TTLL5: variants seen among roughly 807,000 people sequenced by gnomAD.
The protein encoded by TTLL5 is tubulin polyglutamylase TTLL5.
A neutral mutation model predicts 168.4 loss-of-function variants in TTLL5; 132 were observed. That is an observed-to-expected ratio of 0.78 (90% CI 0.68 to 0.91). The LOEUF is 0.91. Ranked by LOEUF, TTLL5 falls within the 40% of genes least tolerant of loss-of-function variation. The pLI is 0.00. For missense variants in TTLL5, 1,545 were observed against 1,581.5 expected (o/e 0.98, Z 0.39); for synonymous variants, 546 against 558.6 (o/e 0.98, Z 0.32).
intron 3 of TTLL5, among the ~76,000 whole-genome samples, chr14:75,674,758 A>G (rs1480323958): frequency 6.6e-6 from 1 of 152,162 alleles, no homozygotes; most frequent in Admixed American, 6.5e-5. Flanking sequence ...TATACTAGCA[A>G]TAGATGTATG....
At chr14:75,811,931 G>A (rs546483459) in intron 27 of TTLL5, among the ~76,000 whole-genome samples, 111 of 152,196 alleles carry the variant, frequency 7.3e-4, no homozygotes, top group African/African-American at 2.4e-3. Flanking sequence ...GCCAGCCACC[G>A]GAAATTGGCC....
intron 31 of TTLL5, chr14:75,930,480 C>A: frequency 1.6e-6 from 1 of 625,110 alleles, no homozygotes; most frequent in Non-Finnish European, 2.0e-6. Context: ...AAGTATAATG[C>A]AAATATTCTA....
At chr14:75,856,290 G>A (rs1208360339) in intron 28 of TTLL5, among the ~76,000 whole-genome samples, 1 of 152,202 alleles carries the variant, frequency 6.6e-6, no homozygotes, top group African/African-American at 2.4e-5. Context: ...TTAAACCCAG[G>A]AGGCGGAAGT....
At chr14:75,821,678 A>C (rs1191680127) in intron 28 of TTLL5, among the ~76,000 whole-genome samples, 1 of 152,178 alleles carries the variant, frequency 6.6e-6, no homozygotes, top group African/African-American at 2.4e-5. Flanking sequence ...AGCGCCTGTT[A>C]GTAGTGAGAT....
At chr14:75,876,791 A>G (rs1268024587) in intron 29 of TTLL5, among the ~76,000 whole-genome samples, 1 of 152,222 alleles carries the variant, frequency 6.6e-6, no homozygotes. Flanking sequence ...TTGGAAGCTT[A>G]CTTTTGCCAA....
intron 28 of TTLL5, among the ~76,000 whole-genome samples, chr14:75,861,013 T>C (rs1021186060): frequency 6.6e-6 from 1 of 152,202 alleles, no homozygotes; most frequent in Non-Finnish European, 1.5e-5. Flanking sequence ...TCTAGAAGTC[T>C]CTTGGGAAAG....
intron 3 of TTLL5, among the ~76,000 whole-genome samples, chr14:75,670,026 C>G (rs1883606899): frequency 6.6e-6 from 1 of 152,098 alleles, no homozygotes; most frequent in Non-Finnish European, 1.5e-5. Context: ...CCTTTTTTGG[C>G]AGGCTTCTTT....
intron 15 of TTLL5, chr14:75,737,729 A>G: frequency 2.0e-6 from 2 of 1,016,126 alleles, no homozygotes; most frequent in Non-Finnish European, 2.8e-6. Flanking sequence ...GCGCAGTTTA[A>G]TAACAAAGTG....
intron 30 of TTLL5, 42 bp from the exon 31 acceptor site, chr14:75,902,100 C>T: frequency 6.3e-7 from 1 of 1,597,264 alleles, no homozygotes; most frequent in Non-Finnish European, 8.6e-7. Context: ...CCTGACCTCA[C>T]CTTTCCGCCT....
At chr14:75,821,916 A>C (rs527274357) in intron 28 of TTLL5, among the ~76,000 whole-genome samples, 1 of 152,250 alleles carries the variant, frequency 6.6e-6, no homozygotes, top group South Asian at 2.1e-4. Context: ...CAAACACAAG[A>C]GCCAGTTTTC....
At chr14:75,786,644 A>T (rs1892379968) in intron 26 of TTLL5, among the ~76,000 whole-genome samples, 1 of 152,196 alleles carries the variant, frequency 6.6e-6, no homozygotes, top group Admixed American at 6.5e-5. Context: ...TTGGAATAGG[A>T]GTAAGATTTT....
chr14:75,810,652 C>T (rs980320697), intron 27 of TTLL5, among the ~76,000 whole-genome samples: 2 of 152,206 alleles, frequency 1.3e-5, no homozygotes, highest in Non-Finnish European at 2.9e-5. Flanking sequence ...CACACATGAG[C>T]TACTGTGCCT....
intron 1 of TTLL5, 163 bp downstream of exon 1, chr14:75,661,550 G>A (rs1890726300): frequency 6.6e-6 from 1 of 152,336 alleles, no homozygotes. Context: ...TCCTTCCCGG[G>A]GGGAGCATCT....
intron 2 of TTLL5, among the ~76,000 whole-genome samples, chr14:75,666,707 G>A (rs1453199237): frequency 6.6e-6 from 1 of 152,124 alleles, no homozygotes; most frequent in African/African-American, 2.4e-5. Context: ...TCTAATAGGG[G>A]TAGTGGTATG....
At position 75,911,173 on chromosome 14, in the gene TTLL5, A is replaced by G. The variant is rs953302415; in HGVS notation, c.3823+8949A>G. Among the ~76,000 whole-genome samples the G allele has an allele frequency of 5.7e-4, 86 of 152,204 alleles. 1 individual carries two copies. Among genetic ancestry groups the G allele is most frequent in the African/African-American group, 2.0e-3 (85 of 41,530 alleles). ...CTCCCGAGTAGCTGGGATTACCGGC[A>G]TGCGCCACCATGCATGGCTAATTTT... On this transcript the variant is annotated intron_variant, in intron 31 of 31. Transcript: ENST00000298832.
chr14:75,785,826 T>C (rs1892332830), intron 26 of TTLL5, among the ~76,000 whole-genome samples: 1 of 152,230 alleles, frequency 6.6e-6, no homozygotes, highest in Non-Finnish European at 1.5e-5. Flanking sequence ...TCACTCTTCT[T>C]TTTCAAGATT....
At chr14:75,882,997 G>T in intron 30 of TTLL5, 95 bp downstream of exon 30, 5 of 1,328,044 alleles carry the variant, frequency 3.8e-6, no homozygotes, top group Non-Finnish European at 5.2e-6. Context: ...TCGTACTGAA[G>T]TACTGGAAAC....
chr14:75,750,483 C>T lies in TTLL5; in HGVS notation c.1488-2410C>T, dbSNP rs960054758. On this transcript the variant is annotated intron_variant, in intron 17 of 31. Transcript: ENST00000298832. ...CCGAGACAGCAACTAGATCTTCTTC[C>T]TCCTCCTTATGATTTTCTTAATACA... is the stretch of plus-strand genomic sequence containing the variant. Among the ~76,000 whole-genome samples the T allele has an allele frequency of 2.0e-5, 3 of 150,276 alleles. No individual in the cohort carries two copies. In the East Asian group the frequency reaches 5.8e-4, roughly 29 times the overall value.
chr14:75,880,982 T>C lies in TTLL5; in HGVS notation c.3523-1703T>C, dbSNP rs184625692. Among the ~76,000 whole-genome samples, 334 of 152,244 alleles carry C rather than the reference T, an allele frequency of 2.2e-3. 7 individuals carry two copies. In the Middle Eastern group the frequency reaches 0.061, roughly 28 times the overall value. ...AGGCTGGAGTGCAGTGGTGCAGTCTTCACCCTTTGCAACCTTCACCTCCCT... is the reference window on the plus strand; with the variant it reads ...AGGCTGGAGTGCAGTGGTGCAGTCTCCACCCTTTGCAACCTTCACCTCCCT... On this transcript the variant is annotated intron_variant, in intron 29 of 31. Coordinates refer to ENST00000298832, the MANE Select transcript of TTLL5 (RefSeq NM_015072.5).
Sources: allele counts gnomAD v4.1 joint callset (sites outside exome capture counted in the v4.1 genomes callset), GRCh38; gene constraint gnomAD v4.1.1; transcripts MANE v1.5; gene names NCBI Gene and HGNC (gene_info 2026-07-23, HGNC 2026-07-21).